The following SHISA6 variants were observed in gnomAD, a reference collection of about 807,000 sequenced individuals.
SHISA6 encodes protein shisa-6.
In SHISA6, 22 loss-of-function variants were observed where a neutral mutation model predicts 47.9. The ratio of observed to expected loss-of-function variants is 0.46; its 90% CI spans 0.33 to 0.66. The LOEUF (loss-of-function observed/expected upper bound fraction) is 0.66. Among genes scored for constraint, SHISA6 ranks in the 30% least tolerant of loss-of-function variants. The pLI, the probability that SHISA6 is intolerant of heterozygous loss-of-function variation, is 0.02. For missense variants in SHISA6, 680 were observed against 764.6 expected (o/e 0.89, Z 1.30); for synonymous variants, 388 against 337.8 (o/e 1.15, Z -1.63).
At chr17:11,544,015 C>CAA (rs529028800) in intron 3 of SHISA6, among the ~76,000 whole-genome samples, 20 of 117,700 alleles carry the variant, frequency 1.7e-4, no homozygotes, top group Non-Finnish European at 2.0e-4. Context: ...TATTCATAAG[C>CAA]AAAAAAAAAA....
intron 2 of SHISA6, among the ~76,000 whole-genome samples, chr17:11,320,813 C>T (rs942616768): frequency 6.6e-6 from 1 of 152,112 alleles, no homozygotes; most frequent in Admixed American, 6.5e-5. Flanking sequence ...CATAATAATG[C>T]CTTCAGGAGG....
At chr17:11,312,597 G>A (rs1308945793) in intron 2 of SHISA6, among the ~76,000 whole-genome samples, 1 of 152,166 alleles carries the variant, frequency 6.6e-6, no homozygotes, top group Non-Finnish European at 1.5e-5. Context: ...TTAAGAGGAA[G>A]CATCCAAAGA....
At chr17:11,268,872 T>C (rs1055107138) in intron 2 of SHISA6, among the ~76,000 whole-genome samples, 8 of 152,272 alleles carry the variant, frequency 5.3e-5, no homozygotes, top group Admixed American at 5.2e-4. Flanking sequence ...AGATGCTGGT[T>C]ATGCAGCTGC....
At chr17:11,391,489 G>T (rs751340984) in intron 3 of SHISA6, among the ~76,000 whole-genome samples, 1 of 152,084 alleles carries the variant, frequency 6.6e-6, no homozygotes. Flanking sequence ...AAAGCAGCAC[G>T]CAAAAAGCAG....
intron 3 of SHISA6, among the ~76,000 whole-genome samples, chr17:11,391,031 C>T (rs527740570): frequency 2.0e-5 from 3 of 152,144 alleles, no homozygotes; most frequent in South Asian, 2.1e-4. Flanking sequence ...CTATGGGAGA[C>T]GGGGTTGAGA....
chr17:11,352,393 G>A (rs1035935531), intron 2 of SHISA6, among the ~76,000 whole-genome samples: 24 of 152,170 alleles, frequency 1.6e-4, no homozygotes, highest in Admixed American at 8.5e-4. Context: ...AAATTGTTGC[G>A]TTTGGTAATT....
At chr17:11,399,584 G>A (rs1183396443) in intron 3 of SHISA6, among the ~76,000 whole-genome samples, 2 of 152,108 alleles carry the variant, frequency 1.3e-5, no homozygotes, top group African/African-American at 4.8e-5. Flanking sequence ...ACCACACCCA[G>A]CTAATTTTTG....
chr17:11,284,595 TTC>T (rs1597439438), intron 2 of SHISA6, among the ~76,000 whole-genome samples: 1 of 152,188 alleles, frequency 6.6e-6, no homozygotes, highest in East Asian at 1.9e-4. Flanking sequence ...GTGCATTTTC[TTC>T]TCTCTCTGTA....
At chr17:11,311,106 CAAAAAAA>C (rs71139101) in intron 2 of SHISA6, among the ~76,000 whole-genome samples, 1 of 48,580 alleles carries the variant, frequency 2.1e-5, no homozygotes, top group Non-Finnish European at 3.7e-5. Context: ...GACTCCATCT[CAAAAAAA>C]AAAAAAAAAA....
rs148090544 is a variant in SHISA6, at chr17:11,361,505, G to A, written c.800-17909G>A. ...TGAATATTGTCTCTCATGCATGTCC[G>A]TGGACTGTAACTCCAAGTGAGTGAA... On this transcript the variant is annotated intron_variant, in intron 2 of 5. Coordinates refer to ENST00000441885, the MANE Select transcript of SHISA6 (RefSeq NM_207386.4). Among the ~76,000 whole-genome samples, 327 of 152,270 alleles carry A rather than the reference G, an allele frequency of 2.1e-3. 1 individual carries two copies. The highest frequency in any genetic ancestry group is 7.5e-3 in the African/African-American group (310 of 41,562).
chr17:11,504,878 AAG>A (rs2071485639), intron 3 of SHISA6, among the ~76,000 whole-genome samples: 1 of 152,172 alleles, frequency 6.6e-6, no homozygotes, highest in African/African-American at 2.4e-5. Context: ...ACCCTGATAA[AAG>A]AGGTAAGCAC....
chr17:11,263,975 T>C (rs1908336595), intron 2 of SHISA6, among the ~76,000 whole-genome samples: 1 of 152,204 alleles, frequency 6.6e-6, no homozygotes, highest in South Asian at 2.1e-4. Context: ...AACATCTGTA[T>C]TTTTGAGTGA....
intron 2 of SHISA6, among the ~76,000 whole-genome samples, chr17:11,340,589 C>G (rs1385191650): frequency 6.6e-6 from 1 of 152,178 alleles, no homozygotes; most frequent in Non-Finnish European, 1.5e-5. Flanking sequence ...CCAGACTTCA[C>G]CTCTTGATGG....
intron 3 of SHISA6, among the ~76,000 whole-genome samples, chr17:11,472,571 A>G (rs188827909): frequency 2.6e-5 from 4 of 152,308 alleles, no homozygotes; most frequent in East Asian, 1.9e-4. Context: ...CCATTCACCT[A>G]CTGAAGGACA....
intron 3 of SHISA6, among the ~76,000 whole-genome samples, chr17:11,444,407 A>T (rs1454334257): frequency 6.6e-6 from 1 of 152,158 alleles, no homozygotes; most frequent in Non-Finnish European, 1.5e-5. Context: ...AACACCCATA[A>T]GGAATTTTCA....
intron 3 of SHISA6, among the ~76,000 whole-genome samples, chr17:11,445,798 C>T (rs1326050985): frequency 2.6e-5 from 4 of 152,138 alleles, no homozygotes. Context: ...CACAAGTGGG[C>T]AAGAGATCAG....
At chr17:11,299,758 T>A (rs746331804) in intron 2 of SHISA6, among the ~76,000 whole-genome samples, 13 of 152,162 alleles carry the variant, frequency 8.5e-5, no homozygotes, top group Admixed American at 2.0e-4. Context: ...CTTATAAGGA[T>A]CCCGTGTGGG....
chr17:11,557,963 C>G lies in SHISA6; in HGVS notation c.1315C>G (p.Arg439Gly), dbSNP rs556936959. 2 of 1,551,344 alleles carry G rather than the reference C, an allele frequency of 1.3e-6. No homozygotes were observed. Among genetic ancestry groups the G allele is most frequent in the Admixed American group, 2.0e-5 (1 of 50,974 alleles). Reference sequence around the variant, plus strand: ...AGATGAGTTCAGCATGCCCTACGACCGCATCCTGTCCGACGAGCAGCTGCT... The same window carrying G: ...AGATGAGTTCAGCATGCCCTACGACGGCATCCTGTCCGACGAGCAGCTGCT... ...LPDEFSMPYD[R>G]ILSDEQLLST... is the part of the protein sequence containing the mutation. Residue 439 changes from arginine to glycine, a missense_variant, in exon 6 of 6, where the codon CGC becomes GGC. Around this residue, in one of 2 missense-constraint regions of SHISA6, gnomAD observed 559 missense variants for 674.1 expected, o/e 0.83. Transcript: ENST00000441885.
Position 11,563,484 on chromosome 17 carries a change from A to C in SHISA6, c.*5180A>C, listed in dbSNP as rs1452051011. The C allele has an allele frequency of 6.6e-6, 1 of 152,216 alleles. No homozygotes were observed. The highest frequency in any genetic ancestry group is 1.5e-5 in the Non-Finnish European group (1 of 68,046). The allele number at this position is 152,216 out of a possible 1,614,324, so 9.4% of individuals were successfully genotyped here. On this transcript the variant is annotated 3_prime_UTR_variant, in exon 6 of 6. Coordinates refer to ENST00000441885, the MANE Select transcript of SHISA6 (RefSeq NM_207386.4). Reference sequence around the variant, plus strand: ...TCAGCAAACACATTAACCTTCCATCAGTCAGAGAAATAATGTTGTGGCTGT... The same window carrying C: ...TCAGCAAACACATTAACCTTCCATCCGTCAGAGAAATAATGTTGTGGCTGT...
Sources: allele counts gnomAD v4.1 joint callset (sites outside exome capture counted in the v4.1 genomes callset), GRCh38; gene constraint gnomAD v4.1.1; regional missense constraint gnomAD v4.1.1; transcripts MANE v1.5; gene names NCBI Gene and HGNC (gene_info 2026-07-23, HGNC 2026-07-21).